CTNNA1: variants seen among roughly 807,000 people sequenced by gnomAD.
CTNNA1 encodes catenin alpha-1.
Under a neutral mutation model 98.4 loss-of-function variants are expected in CTNNA1, and 37 were observed. The ratio of observed to expected loss-of-function variants is 0.38; its 90% confidence interval spans 0.29 to 0.49. The LOEUF is 0.49. Among genes scored for constraint, CTNNA1 ranks in the 20% least tolerant of loss-of-function variants. The pLI is 0.95. For missense variants in CTNNA1, 761 were observed against 1,147.2 expected (o/e 0.66, Z 4.86); for synonymous variants, 404 against 413.2 (o/e 0.98, Z 0.27).
chr5:138,931,737 T>C lies in CTNNA1; in HGVS notation c.2298+802T>C, dbSNP rs993624145. On this transcript the variant is annotated intron_variant, in intron 16 of 17. Transcript: ENST00000302763. ...CTGCATCCAGCTGTCAATACTGTCA[T>C]CTGAAAATGCAGATCACATGGCTCT... 4 of 985,364 alleles carry C rather than the reference T, an allele frequency of 4.1e-6. No homozygotes were observed. The Admixed American group carries it at 2.5e-4, about 61-fold the overall frequency. 61.0% of individuals were successfully genotyped at this position (985,364 alleles called of 1,614,324 possible).
intron 7 of CTNNA1, chr5:138,875,882 T>A: frequency 4.1e-6 from 1 of 241,828 alleles, no homozygotes; most frequent in Non-Finnish European, 6.7e-6. Flanking sequence ...ATCAAGAGCT[T>A]AACATTATAA....
At chr5:138,921,350 A>G (rs1236587791) in intron 11 of CTNNA1, among the ~76,000 whole-genome samples, 1 of 152,194 alleles carries the variant, frequency 6.6e-6, no homozygotes, top group African/African-American at 2.4e-5. Flanking sequence ...TGGGTTTATT[A>G]AATTTTTTAC....
At chr5:138,822,681 C>T (rs1236154094) in intron 5 of CTNNA1, among the ~76,000 whole-genome samples, 1 of 152,180 alleles carries the variant, frequency 6.6e-6, no homozygotes, top group Non-Finnish European at 1.5e-5. Flanking sequence ...TTTAAATCTA[C>T]AGGGTCCTGT....
intron 3 of CTNNA1, among the ~76,000 whole-genome samples, chr5:138,805,802 G>C (rs1219364045): frequency 6.6e-6 from 1 of 150,728 alleles, no homozygotes; most frequent in East Asian, 1.9e-4. Context: ...CTGGATACTA[G>C]ATCCTTATAA....
At chr5:138,875,686 G>A (rs1581394695) in intron 7 of CTNNA1, 1 of 985,382 alleles carries the variant, frequency 1.0e-6, no homozygotes, top group Non-Finnish European at 1.2e-6. Context: ...CATCTAAATG[G>A]GCAGAAGCCT....
Position 138,933,825 on chromosome 5 carries a change from C to G in CTNNA1, c.2457C>G (p.Ile819Met). Residue 819 changes from isoleucine to methionine, a missense_variant, in exon 18 of 18, where the codon ATC becomes ATG. Transcript: ENST00000302763. ...AGGTGGACAGCGCCATGTCCCTGATCCAGGCAGCCAAGAACTTGATGAATG... is the reference window on the plus strand; with the variant it reads ...AGGTGGACAGCGCCATGTCCCTGATGCAGGCAGCCAAGAACTTGATGAATG... ...VSGVDSAMSL[I>M]QAAKNLMNAV... 6.2e-7 allele frequency: 1 copy of G among 1,613,838 alleles called. No individual in the cohort carries two copies. The highest frequency in any genetic ancestry group is 1.1e-5 in the South Asian group (1 of 91,064).
intron 7 of CTNNA1, among the ~76,000 whole-genome samples, chr5:138,841,260 T>C (rs561717437): frequency 2.0e-4 from 30 of 152,260 alleles, no homozygotes; most frequent in Admixed American, 6.5e-4. Flanking sequence ...TATGTATGTA[T>C]GTATTTATTT....
At position 138,933,999 on chromosome 5, in the gene CTNNA1, GA is replaced by G; in HGVS notation, c.2632del (p.Thr878HisfsTer14). The G allele has an allele frequency of 6.2e-7, 1 of 1,614,152 alleles. No homozygotes were observed. Among genetic ancestry groups the G allele is most frequent in the Non-Finnish European group, 8.5e-7 (1 of 1,180,034 alleles). ...PLVKREKQDETQTKIKRASQK... is the reference protein window; with the variant it reads ...PLVKREKQDEXQTKIKRASQK... The stretch of plus-strand genomic sequence containing the variant: ...TGGTGAAGAGAGAGAAACAGGATGA[GA>G]CACAGACCAAGATTAAACGGGCATC... On this transcript the variant is annotated frameshift_variant, in exon 18 of 18. Coordinates refer to ENST00000302763, the MANE Select transcript of CTNNA1 (RefSeq NM_001903.5). LOFTEE classifies it high-confidence loss of function.
chr5:138,885,294 T>C (rs1373364507), intron 7 of CTNNA1, among the ~76,000 whole-genome samples: 1 of 152,226 alleles, frequency 6.6e-6, no homozygotes, highest in Non-Finnish European at 1.5e-5. Context: ...AACAATGGGC[T>C]AAATTCCTTT....
chr5:138,832,295 C>T (rs1446777519), intron 7 of CTNNA1, among the ~76,000 whole-genome samples: 1 of 152,146 alleles, frequency 6.6e-6, no homozygotes, highest in Non-Finnish European at 1.5e-5. Flanking sequence ...ATGCATTTGA[C>T]CTCTACTTAC....
chr5:138,762,495 T>TG lies in CTNNA1; in HGVS notation c.-3+8985_-3+8986insG, dbSNP rs1030475421. On this transcript the variant is annotated intron_variant, in intron 1 of 17. Coordinates refer to ENST00000302763, the MANE Select transcript of CTNNA1 (RefSeq NM_001903.5). ...GTTCATTATTTTCTTTAGTTTTTTTTTATAACTATCAAACTTATTTTTCTC... is the reference window on the plus strand; with the variant it reads ...GTTCATTATTTTCTTTAGTTTTTTTTGTATAACTATCAAACTTATTTTTCTC... Among the ~76,000 whole-genome samples, 9 of 151,910 alleles carry TG rather than the reference T, an allele frequency of 5.9e-5. 1 individual carries two copies. The highest frequency in any genetic ancestry group is 2.9e-5 in the Non-Finnish European group (2 of 67,964).
intron 2 of CTNNA1, among the ~76,000 whole-genome samples, chr5:138,782,916 T>G (rs1164741511): frequency 6.6e-6 from 1 of 152,202 alleles, no homozygotes; most frequent in African/African-American, 2.4e-5. Flanking sequence ...ATTTGTAAAA[T>G]CAAACTAAAA....
intron 7 of CTNNA1, among the ~76,000 whole-genome samples, chr5:138,876,020 A>G (rs1458840467): frequency 6.6e-6 from 1 of 152,198 alleles, no homozygotes; most frequent in Non-Finnish European, 1.5e-5. Flanking sequence ...TTGTCGCCAT[A>G]CTGATTGAAA....
At chr5:138,904,718 A>G in intron 10 of CTNNA1, 1 of 311,464 alleles carries the variant, frequency 3.2e-6, no homozygotes, top group Non-Finnish European at 5.9e-6. Context: ...GCACTTTGGG[A>G]TCCCAAAGTG....
intron 7 of CTNNA1, among the ~76,000 whole-genome samples, chr5:138,844,094 G>A (rs55901834): frequency 0.69 from 104,254 of 151,320 alleles, 36,045 homozygotes; most frequent in East Asian, 0.93. Flanking sequence ...GCAAGTTTGT[G>A]GAAAGCAAAG....
At chr5:138,787,862 A>G (rs1755885668) in intron 3 of CTNNA1, among the ~76,000 whole-genome samples, 1 of 152,234 alleles carries the variant, frequency 6.6e-6, no homozygotes, top group African/African-American at 2.4e-5. Context: ...ATGTTAAAAA[A>G]ATTCACGTAC....
At chr5:138,912,156 T>C (rs1245030264) in intron 10 of CTNNA1, among the ~76,000 whole-genome samples, 1 of 152,042 alleles carries the variant, frequency 6.6e-6, no homozygotes, top group Non-Finnish European at 1.5e-5. Context: ...GTCCCTAACA[T>C]TGAGAGTTTC....
chr5:138,774,175 G>A (rs1438670700), intron 1 of CTNNA1, among the ~76,000 whole-genome samples: 1 of 151,928 alleles, frequency 6.6e-6, no homozygotes, highest in Non-Finnish European at 1.5e-5. Context: ...GAGCTACTGC[G>A]CCTGGCCTGT....
At chr5:138,760,678 T>C (rs1055492029) in intron 1 of CTNNA1, among the ~76,000 whole-genome samples, 2 of 152,236 alleles carry the variant, frequency 1.3e-5, no homozygotes, top group African/African-American at 4.8e-5. Context: ...TCCATTCATA[T>C]GTTGATGGAC....
Sources: allele counts gnomAD v4.1 joint callset (sites outside exome capture counted in the v4.1 genomes callset), GRCh38; gene constraint gnomAD v4.1.1; transcripts MANE v1.5; gene names NCBI Gene and HGNC (gene_info 2026-07-23, HGNC 2026-07-21).